The following SCRIB variants were observed in gnomAD, a reference collection of about 807,000 sequenced individuals.
The protein encoded by SCRIB is scribble planar cell polarity protein, also known as protein scribble homolog.
In SCRIB, 72 loss-of-function variants were observed where a neutral mutation model predicts 170.0. The ratio of observed to expected loss-of-function variants is 0.42; its 90% CI spans 0.35 to 0.52. The LOEUF is 0.52. Among genes scored for constraint, SCRIB ranks in the 20% least tolerant of loss-of-function variants. The probability of loss-of-function intolerance (pLI) is 0.02; values close to 1 mark genes in which losing one functional copy is unlikely to be tolerated. For missense variants in SCRIB, 2,475 were observed against 2,338.5 expected (o/e 1.06, Z -1.20); for synonymous variants, 1,298 against 1,044.3 (o/e 1.24, Z -4.68).
rs1554632803 is a variant in SCRIB at position 143,791,904 on chromosome 8, G to A, written c.4667C>T (p.Pro1556Leu). The change falls in exon 34 of 37, where the codon CCC becomes CTC. Residue 1556 changes from proline to leucine, a missense_variant. Coordinates refer to ENST00000356994, the MANE Select transcript of SCRIB (RefSeq NM_182706.5). Reference sequence around the variant, plus strand: ...GCGTCCCGGGGAGGTGCTGGTCTGGGGGCCGAGGTCTGGGGGGACAAGAAG... The same window carrying A: ...GCGTCCCGGGGAGGTGCTGGTCTGGAGGCCGAGGTCTGGGGGGACAAGAAG... ...PSPTPVEDLG[P>L]QTSTSPGRLP... 2 of 1,521,078 alleles carry A rather than the reference G, an allele frequency of 1.3e-6. No homozygotes were observed. Among genetic ancestry groups the A allele is most frequent in the Non-Finnish European group, 8.8e-7 (1 of 1,133,690 alleles). The allele number at this position is 1,521,078 out of a possible 1,614,324, so 94.2% of individuals were successfully genotyped here. A position where few individuals can be genotyped will look rare whatever the true frequency, so the allele number is the denominator to read the frequency against.
chr8:143,799,569 G>T (rs1042387444), intron 24 of SCRIB, among the ~76,000 whole-genome samples: 2 of 152,204 alleles, frequency 1.3e-5, no homozygotes, highest in Non-Finnish European at 2.9e-5. Context: ...ACCCACCTAG[G>T]TTTGCGCAGG....
chr8:143,814,760 CA>C, intron 1 of SCRIB: 1 of 171,910 alleles, frequency 5.8e-6, no homozygotes, highest in South Asian at 1.8e-4. Flanking sequence ...CCACGAGAAG[CA>C]AGGGTAAAGA....
At chr8:143,804,350 G>A (rs1444542045) in intron 21 of SCRIB, among the ~76,000 whole-genome samples, 194 bp from the exon 22 acceptor site, 1 of 152,258 alleles carries the variant, frequency 6.6e-6, no homozygotes, top group Non-Finnish European at 1.5e-5. Flanking sequence ...CTCGCTGACT[G>A]TGGCCATGTG....
intron 15 of SCRIB, 152 bp from the exon 16 acceptor site, chr8:143,807,766 CGT>C (rs1160013066): frequency 2.9e-6 from 2 of 692,658 alleles, no homozygotes; most frequent in East Asian, 2.7e-5. Context: ...ATCCTGGAGG[CGT>C]GAGTGACACC....
chr8:143,793,110 T>C (rs1554633382), intron 28 of SCRIB, 27 bp from the exon 29 acceptor site: 1 of 1,315,310 alleles, frequency 7.6e-7, no homozygotes, highest in Admixed American at 2.9e-5. Context: ...TTGTGAGCTA[T>C]GCTGGGGCAG....
In SCRIB at chr8:143,811,872, C is replaced by G. The variant is rs187517088; in HGVS notation, c.906+394G>C. ...GGGATGGGGATAGCAACACCACCGT[C>G]CCGAACCGTGGCCTGGTGCCTCAGC... On this transcript the variant is annotated intron_variant, in intron 9 of 36. Coordinates refer to ENST00000356994, the MANE Select transcript of SCRIB (RefSeq NM_182706.5). Among the ~76,000 whole-genome samples, 4 of 152,306 alleles carry G rather than the reference C, an allele frequency of 2.6e-5. No homozygotes were observed. The East Asian group carries it at 7.7e-4, about 29-fold the overall frequency.
At chr8:143,793,285 G>A (rs1814789898) in intron 28 of SCRIB, 1 of 466,928 alleles carries the variant, frequency 2.1e-6, no homozygotes, top group Non-Finnish European at 3.7e-6. Context: ...GCCCCTGGGG[G>A]CTGGGGAGCC....
intron 9 of SCRIB, 123 bp from the exon 10 acceptor site, chr8:143,811,468 C>G: frequency 1.2e-6 from 1 of 828,332 alleles, no homozygotes; most frequent in Non-Finnish European, 1.9e-6. Context: ...CTCACAGCCC[C>G]TGGAGACCGG....
rs541408076 is a variant in SCRIB at position 143,791,823 on chromosome 8, C to A, written c.4695+53G>T. ...GCCACGGGGGTGGGGGCAGGCCAGA[C>A]CCCACCCCCATGCCTCGGGGGTGAA... On this transcript the variant is annotated intron_variant, in intron 34 of 36. Transcript: ENST00000356994. 3.1e-4 allele frequency: 433 copies of A among 1,418,420 alleles called. 2 individuals are homozygous for A. The African/African-American group carries it at 5.9e-3, about 19-fold the overall frequency. The allele number at this position is 1,418,420 out of a possible 1,614,324, so 87.9% of individuals were successfully genotyped here.
chr8:143,808,885 G>A lies in SCRIB; in HGVS notation c.1839C>T (p.His613=), dbSNP rs750501104. 8 of 1,609,950 alleles carry A rather than the reference G, an allele frequency of 5.0e-6. No individual in the cohort carries two copies. The South Asian group carries it at 8.8e-5, about 18-fold the overall frequency. Residue 613 remains histidine, a synonymous_variant, in exon 15 of 37, where the codon CAC becomes CAT. Coordinates refer to ENST00000356994, the MANE Select transcript of SCRIB (RefSeq NM_182706.5). The stretch of plus-strand genomic sequence containing the variant: ...GCTGGGGCAGCTTGGAGATCTTGAA[G>A]TGCTTTTTGTAGTGAGGTGTGTCCT... ...IRKDTPHYKK[H]FKISKLPQPE... is the part of the protein sequence containing the mutation.
rs753040407 is a variant in SCRIB at position 143,808,797 on chromosome 8, C to T, written c.1927G>A (p.Gly643Arg). Residue 643 changes from glycine to arginine, a missense_variant, in exon 15 of 37, where the codon GGG becomes AGG. This residue lies in a region of SCRIB where 1,966 missense variants were observed against 1,742.9 expected (regional missense o/e 1.13). Coordinates refer to ENST00000356994, the MANE Select transcript of SCRIB (RefSeq NM_182706.5). ...GCGTGGGGGCCATTGTGCCAGCCCC[C>T]GGGAGCCACAGGGCCCTCCCCATCA... ...QPDGEGPVAP[G>R]GWHNGPHAPW... 48 of 1,611,086 alleles carry T rather than the reference C, an allele frequency of 3.0e-5. No homozygotes were observed. The highest frequency in any genetic ancestry group is 1.9e-4 in the African/African-American group (14 of 74,896).
chr8:143,808,197 C>A (rs1035728245), intron 15 of SCRIB, among the ~76,000 whole-genome samples: 1 of 152,248 alleles, frequency 6.6e-6, no homozygotes, highest in Non-Finnish European at 1.5e-5. Flanking sequence ...GCCCTGGAGA[C>A]CCACAAAGAG....
rs1322468492 is a variant in SCRIB, at chr8:143,790,934, G to A, written c.*229C>T. 1.4e-5 allele frequency: 6 copies of A among 426,076 alleles called. No individual in the cohort carries two copies. The highest frequency in any genetic ancestry group is 8.1e-5 in the African/African-American group (4 of 49,174). The allele number at this position is 426,076 out of a possible 1,614,324, so 26.4% of individuals were successfully genotyped here. ...ACAGGCAGACGGGAGGTAAAATGTA[G>A]TCAACTTTATTCTCCTTAAACCACA... On this transcript the variant is annotated 3_prime_UTR_variant, in exon 37 of 37. Coordinates refer to ENST00000356994, the MANE Select transcript of SCRIB (RefSeq NM_182706.5).
At chr8:143,810,267 C>A (rs958093103) in intron 13 of SCRIB, among the ~76,000 whole-genome samples, 1 of 152,168 alleles carries the variant, frequency 6.6e-6, no homozygotes, top group East Asian at 1.9e-4. Context: ...TACTCCAGCC[C>A]CACAGACCCG....
Position 143,792,748 on chromosome 8 carries a change from C to G in SCRIB, c.4137G>C (p.Leu1379=). 3 of 1,592,318 alleles carry G rather than the reference C, an allele frequency of 1.9e-6. No individual in the cohort carries two copies. The Middle Eastern group carries it at 5.0e-4, about 265-fold the overall frequency. ...TCTTCCGCAGGTCGTCAGCACCCAC[C>G]AGGGACACGCGCTTAGGGGGGCCCT... is the stretch of plus-strand genomic sequence containing the variant. ...QAEGPPKRVS[L]VGADDLRKMQ... Residue 1379 remains leucine (L), a synonymous_variant, in exon 30 of 37, where the codon CTG becomes CTC. Transcript: ENST00000356994.
At position 143,803,629 on chromosome 8, in the gene SCRIB, G is replaced by A. The variant is rs782388725; in HGVS notation, c.3414+18C>T. ...TGGGGGGTGGGGCCCAGGGCGGGCT[G>A]GGGTGGGGGGGGCTCACCTTGGAGA... is the stretch of plus-strand genomic sequence containing the variant. On this transcript the variant is annotated intron_variant, in intron 23 of 36. Coordinates refer to ENST00000356994, the MANE Select transcript of SCRIB (RefSeq NM_182706.5). 1.3e-6 allele frequency: 2 copies of A among 1,536,200 alleles called. No homozygotes were observed. Among genetic ancestry groups the A allele is most frequent in the Non-Finnish European group, 8.7e-7 (1 of 1,143,504 alleles).
chr8:143,791,769 A>T (rs782600134), intron 34 of SCRIB, 29 bp from the exon 35 acceptor site: 3 of 1,407,346 alleles, frequency 2.1e-6, no homozygotes, highest in Non-Finnish European at 2.9e-6. Context: ...GGGGAGAGGC[A>T]GAGAGTGAGA....
chr8:143,803,309 G>T, intron 24 of SCRIB, 74 bp downstream of exon 24: 1 of 1,389,294 alleles, frequency 7.2e-7, no homozygotes. Context: ...CGCCTGCCCC[G>T]AGAGGTGTCA....
rs1301947428 is a variant in SCRIB at position 143,810,964 on chromosome 8, C to G, written c.1215G>C (p.Arg405=). Residue 405 remains arginine, a synonymous_variant, in exon 11 of 37, where the codon CGG becomes CGC. Transcript: ENST00000356994. ...AGCAGGTGAGCACCTTCTCGCCGGT[C>G]CGGGCATCATCCTCCGTCTGGAACC... The part of the protein sequence containing the change: ...MLRFQTEDDA[R]TGEKVLTCYL... The G allele has an allele frequency of 5.0e-6, 8 of 1,612,020 alleles. No homozygotes were observed. Among genetic ancestry groups the G allele is most frequent in the Non-Finnish European group, 6.8e-6 (8 of 1,179,666 alleles).
Sources: allele counts gnomAD v4.1 joint callset (sites outside exome capture counted in the v4.1 genomes callset), GRCh38; gene constraint gnomAD v4.1.1; regional missense constraint gnomAD v4.1.1; transcripts MANE v1.5; gene names NCBI Gene and HGNC (gene_info 2026-07-23, HGNC 2026-07-21).